The following GALNT17 variants were observed in gnomAD, a reference collection of about 807,000 sequenced individuals.
GALNT17 encodes the protein polypeptide N-acetylgalactosaminyltransferase 17.
In GALNT17, 29 loss-of-function variants were observed where a neutral mutation model predicts 63.7. That is an observed-to-expected ratio of 0.46 (90% CI 0.34 to 0.62). The LOEUF (loss-of-function observed/expected upper bound fraction) is 0.62, where lower values mean the gene tolerates loss of function less well. Among genes scored for constraint, GALNT17 ranks in the 20% least tolerant of loss-of-function variants. The probability of loss-of-function intolerance (pLI) is 0.01; values close to 1 mark genes in which losing one functional copy is unlikely to be tolerated. For missense variants in GALNT17, 603 were observed against 799.6 expected, an observed-to-expected ratio of 0.75 and a Z score of 2.97; for synonymous variants, 305 against 318.3, an observed-to-expected ratio of 0.96 and a Z score of 0.45.
chr7:71,658,530 G>A (rs1299591548), intron 6 of GALNT17, among the ~76,000 whole-genome samples: 4 of 152,066 alleles, frequency 2.6e-5, no homozygotes, highest in Admixed American at 2.0e-4. Context: ...GTGGCTAGGG[G>A]TCATTCATAA....
chr7:71,551,789 C>T (rs534808324), intron 5 of GALNT17, among the ~76,000 whole-genome samples: 6 of 145,480 alleles, frequency 4.1e-5, no homozygotes, highest in Non-Finnish European at 7.5e-5. Flanking sequence ...AGAGAGAGAG[C>T]GGGAAAGCAA....
chr7:71,222,999 G>T (rs907647736), intron 1 of GALNT17, among the ~76,000 whole-genome samples: 1 of 152,134 alleles, frequency 6.6e-6, no homozygotes, highest in African/African-American at 2.4e-5. Context: ...CTTGAGCTCA[G>T]CAGTTTAAGG....
intron 1 of GALNT17, among the ~76,000 whole-genome samples, chr7:71,279,397 T>C (rs1372495977): frequency 6.6e-6 from 1 of 151,952 alleles, no homozygotes; most frequent in Admixed American, 6.6e-5. Context: ...TCCCACTGGG[T>C]CCCTCCCATG....
At chr7:71,534,202 C>G (rs1465616143) in intron 5 of GALNT17, among the ~76,000 whole-genome samples, 1 of 152,052 alleles carries the variant, frequency 6.6e-6, no homozygotes, top group Non-Finnish European at 1.5e-5. Flanking sequence ...GGGGAGGCCT[C>G]GGGAAACTTA....
chr7:71,211,044 C>G (rs1789365489), intron 1 of GALNT17, among the ~76,000 whole-genome samples: 1 of 152,166 alleles, frequency 6.6e-6, no homozygotes, highest in Non-Finnish European at 1.5e-5. Flanking sequence ...TTGCTTTTTA[C>G]TAAACCATAT....
In GALNT17 at chr7:71,586,371, G is replaced by A. The variant is rs377303487; in HGVS notation, c.1080+14969G>A. Among the ~76,000 whole-genome samples, 57 of 152,252 alleles carry A rather than the reference G, an allele frequency of 3.7e-4. 1 individual carries two copies. Among genetic ancestry groups the A allele is most frequent in the Non-Finnish European group, 1.5e-4 (10 of 68,018 alleles). ...ATCTATCAGCAACACAGTCTTTGTC[G>A]TTTACTGAGAAGTATTCCTCTGTGT... On this transcript the variant is annotated intron_variant, in intron 6 of 10. Coordinates refer to ENST00000333538, the MANE Select transcript of GALNT17 (RefSeq NM_022479.3).
chr7:71,649,987 A>G (rs558530606), intron 6 of GALNT17, among the ~76,000 whole-genome samples: 1 of 152,314 alleles, frequency 6.6e-6, no homozygotes, highest in South Asian at 2.1e-4. Context: ...CAGGAAGTCC[A>G]TATTAGATGG....
intron 6 of GALNT17, among the ~76,000 whole-genome samples, chr7:71,633,298 T>G (rs1336966391): frequency 3.3e-5 from 5 of 151,972 alleles, no homozygotes. Context: ...AACACTCTAG[T>G]GCAATGTGGG....
intron 1 of GALNT17, among the ~76,000 whole-genome samples, chr7:71,320,128 C>T (rs1345374321): frequency 1.3e-5 from 2 of 152,176 alleles, no homozygotes; most frequent in African/African-American, 2.4e-5. Context: ...TTTTGTTGAG[C>T]AGATACATAC....
intron 1 of GALNT17, among the ~76,000 whole-genome samples, chr7:71,207,968 T>C (rs967039554): frequency 7.9e-5 from 12 of 151,552 alleles, no homozygotes; most frequent in African/African-American, 2.4e-4. Flanking sequence ...AGGGTCTTGC[T>C]CTGTTGCCCA....
At chr7:71,456,945 G>C (rs1787366622) in intron 5 of GALNT17, among the ~76,000 whole-genome samples, 1 of 152,164 alleles carries the variant, frequency 6.6e-6, no homozygotes, top group Non-Finnish European at 1.5e-5. Context: ...ACAACTCGAA[G>C]CGGGGGGTTC....
At chr7:71,562,146 A>G (rs1562691802) in intron 5 of GALNT17, among the ~76,000 whole-genome samples, 1 of 151,964 alleles carries the variant, frequency 6.6e-6, no homozygotes, top group African/African-American at 2.4e-5. Flanking sequence ...TATTTTTGGT[A>G]GAAATACATA....
chr7:71,385,279 A>G (rs556214547), intron 2 of GALNT17, among the ~76,000 whole-genome samples: 1 of 152,170 alleles, frequency 6.6e-6, no homozygotes, highest in East Asian at 1.9e-4. Flanking sequence ...GGCTGAGCTC[A>G]GGCCCAGTGG....
chr7:71,656,214 G>A (rs1188308229), intron 6 of GALNT17, among the ~76,000 whole-genome samples: 1 of 151,818 alleles, frequency 6.6e-6, no homozygotes, highest in Admixed American at 6.6e-5. Context: ...AATTTTTTTT[G>A]CACGCCCACA....
chr7:71,465,574 C>G, intron 5 of GALNT17, among the ~76,000 whole-genome samples: 1 of 152,206 alleles, frequency 6.6e-6, no homozygotes, highest in East Asian at 1.9e-4. Flanking sequence ...TGGGAAGCCA[C>G]AGAAGAATGT....
At chr7:71,576,100 TC>T (rs762548251) in intron 6 of GALNT17, among the ~76,000 whole-genome samples, 19 of 152,324 alleles carry the variant, frequency 1.2e-4, no homozygotes, top group Non-Finnish European at 2.4e-4. Flanking sequence ...AAAGTCATTC[TC>T]TAATATATCA....
At chr7:71,397,033 T>C (rs1793150468) in intron 3 of GALNT17, among the ~76,000 whole-genome samples, 1 of 152,188 alleles carries the variant, frequency 6.6e-6, no homozygotes. Context: ...TAGAGCTTTC[T>C]ATATAGAATA....
intron 1 of GALNT17, among the ~76,000 whole-genome samples, chr7:71,265,118 A>ATATATATATATATATTTTTTTTTTT (rs1390488895): frequency 2.7e-5 from 1 of 37,462 alleles, no homozygotes; most frequent in African/African-American, 6.9e-5. Flanking sequence ...ATATATATAT[A>ATATATATATATATATTTTTTTTTTT]TTTTTTTTTT....
At chr7:71,579,217 C>T (rs1396212752) in intron 6 of GALNT17, among the ~76,000 whole-genome samples, 1 of 152,100 alleles carries the variant, frequency 6.6e-6, no homozygotes, top group Admixed American at 6.5e-5. Context: ...TGGTCTTGTC[C>T]CAGTATAGAG....
Sources: allele counts gnomAD v4.1 joint callset (sites outside exome capture counted in the v4.1 genomes callset), GRCh38; gene constraint gnomAD v4.1.1; transcripts MANE v1.5; gene names NCBI Gene and HGNC (gene_info 2026-07-23, HGNC 2026-07-21).